The following BTK variants were observed in gnomAD, a reference collection of about 807,000 sequenced individuals.
The protein encoded by BTK is tyrosine-protein kinase BTK.
In BTK, 5 loss-of-function variants were observed where a neutral mutation model predicts 57.4. The observed-to-expected ratio is 0.09, with a 90% confidence interval of 0.05 to 0.18. The LOEUF is 0.18. BTK is among the 10% of genes least tolerant of loss of function. The probability of loss-of-function intolerance (pLI) is 1.00; values close to 1 mark genes in which losing one functional copy is unlikely to be tolerated. For missense variants in BTK, 194 were observed against 501.2 expected (o/e 0.39, Z 5.85); for synonymous variants, 154 against 174.3 (o/e 0.88, Z 0.92).
chrX:101,350,419 T>C (rs1300420266), intron 18 of BTK, among the ~76,000 whole-genome samples: 5 of 107,446 alleles, frequency 4.7e-5, no homozygotes, highest in African/African-American at 1.4e-4. Flanking sequence ...TTTTTTTTTT[T>C]TTTTTACCAC....
At chrX:101,354,725 C>T (rs368449643) in intron 15 of BTK, 31 bp from the exon 16 acceptor site, 413 of 1,186,135 alleles carry the variant, frequency 3.5e-4, no homozygotes, top group Non-Finnish European at 4.6e-4. Flanking sequence ...AGTGAGACTC[C>T]GTCCCCAGCA....
chrX:101,356,653 T>C, intron 14 of BTK, 131 bp downstream of exon 14: 2 of 769,460 alleles, frequency 2.6e-6, no homozygotes, highest in East Asian at 6.3e-5. Flanking sequence ...CTACCGCCAG[T>C]TAAAGGTAAA....
chrX:101,367,136 C>T (rs923601392), intron 5 of BTK, among the ~76,000 whole-genome samples: 29 of 108,244 alleles, frequency 2.7e-4, no homozygotes, highest in African/African-American at 8.1e-4. Context: ...CCCAGCTACT[C>T]GGGAGGCTGA....
intron 18 of BTK, among the ~76,000 whole-genome samples, chrX:101,350,780 A>G (rs1555976921): frequency 9.0e-6 from 1 of 110,929 alleles, no homozygotes; most frequent in East Asian, 2.9e-4. Flanking sequence ...GCCATGGCCC[A>G]TAAGCCCCCG....
At chrX:101,373,415 A>G (rs1439451761) in intron 3 of BTK, among the ~76,000 whole-genome samples, 7 of 111,649 alleles carry the variant, frequency 6.3e-5, no homozygotes, top group Non-Finnish European at 1.3e-4. Context: ...CAATACATCC[A>G]TAATAGGGAA....
chrX:101,386,687 G>A (rs1454318495), upstream of BTK, among the ~76,000 whole-genome samples: 2 of 111,216 alleles, frequency 1.8e-5, no homozygotes, highest in Admixed American at 9.6e-5. Flanking sequence ...CAAGACAGAG[G>A]TAGAGACAAG....
rs1555978273 is a variant in BTK at position 101,359,274 on chromosome X, C to G, written c.894+19G>C. The G allele has an allele frequency of 8.3e-7, 1 of 1,208,944 alleles. No individual in the cohort carries two copies. The highest frequency in any genetic ancestry group is 2.2e-5 in the Admixed American group (1 of 46,062). On this transcript the variant is annotated intron_variant, in intron 10 of 18. Coordinates refer to ENST00000308731, the MANE Select transcript of BTK (RefSeq NM_000061.3). ...ACTTATGCAAGGAGAATGCTGTGTG[C>G]TAGTGGTTCCACACTTACCTCTTGC...
chrX:101,359,990 TAAATATATATA>T (rs1206999679), intron 9 of BTK, 87 bp downstream of exon 9: 16 of 207,111 alleles, frequency 7.7e-5, no homozygotes, highest in Non-Finnish European at 1.1e-4. Context: ...TATATATATA[TAAATATATATA>T]AAATATATAT....
intron 1 of BTK, among the ~76,000 whole-genome samples, chrX:101,375,532 G>A (rs1555980931): frequency 8.9e-6 from 1 of 112,185 alleles, no homozygotes; most frequent in Non-Finnish European, 1.9e-5. Flanking sequence ...GATGTTGTGA[G>A]CTCATATAAA....
intron 5 of BTK, among the ~76,000 whole-genome samples, chrX:101,369,623 A>T (rs946635740): frequency 8.9e-6 from 1 of 112,057 alleles, no homozygotes; most frequent in Non-Finnish European, 1.9e-5. Context: ...ATTGCACTAG[A>T]GAGATAGTGA....
intron 18 of BTK, among the ~76,000 whole-genome samples, chrX:101,352,828 G>A (rs1481613194): frequency 9.1e-6 from 1 of 109,652 alleles, no homozygotes; most frequent in Non-Finnish European, 1.9e-5. Context: ...GAACCCAGGA[G>A]GCAGAGGTTG....
At position 101,355,921 on chromosome X, in the gene BTK, C is replaced by T. The variant is rs1219091294; in HGVS notation, c.1566+131G>A. 2.8e-5 allele frequency: 20 copies of T among 702,548 alleles called. No homozygotes were observed. The African/African-American group carries it at 4.0e-4, about 14-fold the overall frequency. 57.9% of individuals were successfully genotyped at this position (702,548 alleles called of 1,213,427 possible). A position where few individuals can be genotyped will look rare whatever the true frequency, so the allele number is the denominator to read the frequency against. On this transcript the variant is annotated intron_variant, in intron 15 of 18. Transcript: ENST00000308731. ...AGCACTGGGGCAGAGGCACGCCTAA[C>T]TTATAGTACTTTCTAGATAAAATTG...
chrX:101,354,039 G>T, intron 16 of BTK, 51 bp from the exon 17 acceptor site: 1 of 969,155 alleles, frequency 1.0e-6, no homozygotes, highest in Non-Finnish European at 1.5e-6. Context: ...CTTGATATTT[G>T]CTTACGTTTT....
intron 5 of BTK, among the ~76,000 whole-genome samples, chrX:101,366,451 C>T (rs1312273983): frequency 3.6e-5 from 4 of 111,215 alleles, no homozygotes; most frequent in African/African-American, 1.3e-4. Flanking sequence ...CTCATGAGGT[C>T]CCCTTTTCAT....
chrX:101,363,851 T>C (rs1200511576), intron 5 of BTK, among the ~76,000 whole-genome samples: 2 of 106,994 alleles, frequency 1.9e-5, no homozygotes, highest in East Asian at 5.8e-4. Context: ...TGAGAACATA[T>C]ACATTTCAGC....
chrX:101,360,785 T>A (rs1926645767), intron 7 of BTK, 30 bp from the exon 8 acceptor site: 3 of 1,172,215 alleles, frequency 2.6e-6, no homozygotes, highest in Admixed American at 4.4e-5. Flanking sequence ...GGTAGGAGGG[T>A]TTGTCAAGAT....
rs192160826 is a variant in BTK at position 101,356,590 on chromosome X, A to T, written c.1349+194T>A. On this transcript the variant is annotated intron_variant, in intron 14 of 18. Coordinates refer to ENST00000308731, the MANE Select transcript of BTK (RefSeq NM_000061.3). ...GAGATGGTACACACCCATGATCACC[A>T]CTATTCTCAACCAATATCTAAGGCA... is the stretch of plus-strand genomic sequence containing the variant. 5.2e-4 allele frequency: 255 copies of T among 489,777 alleles called. No homozygotes were observed. The East Asian group carries it at 6.0e-3, about 12-fold the overall frequency. 40.4% of individuals were successfully genotyped at this position (489,777 alleles called of 1,213,427 possible). A position where few individuals can be genotyped will look rare whatever the true frequency, so the allele number is the denominator to read the frequency against.
intron 5 of BTK, among the ~76,000 whole-genome samples, chrX:101,364,373 T>G (rs1360249678): frequency 5.0e-5 from 5 of 99,439 alleles, no homozygotes; most frequent in Non-Finnish European, 8.0e-5. Flanking sequence ...GGCGCCATTG[T>G]GCTCCAGCCT....
At chrX:101,363,996 T>C (rs1231000240) in intron 5 of BTK, among the ~76,000 whole-genome samples, 2 of 105,404 alleles carry the variant, frequency 1.9e-5, no homozygotes, top group Non-Finnish European at 3.9e-5. Flanking sequence ...ACTCAAGCAG[T>C]CCTCCCACCT....
Sources: allele counts gnomAD v4.1 joint callset (sites outside exome capture counted in the v4.1 genomes callset), GRCh38; gene constraint gnomAD v4.1.1; transcripts MANE v1.5; gene names NCBI Gene and HGNC (gene_info 2026-07-23, HGNC 2026-07-21).